The following ARMH4 variants were observed in gnomAD, a reference collection of about 807,000 sequenced individuals.
ARMH4 encodes the protein armadillo-like helical domain-containing protein 4.
A neutral mutation model predicts 61.9 loss-of-function variants in ARMH4; 49 were observed. The ratio of observed to expected loss-of-function variants is 0.79; its 90% confidence interval spans 0.63 to 1.00. The LOEUF (loss-of-function observed/expected upper bound fraction) is 1.00. Among genes scored for constraint, ARMH4 ranks in the 50% least tolerant of loss-of-function variants. The pLI, the probability that ARMH4 is intolerant of heterozygous loss-of-function variation, is 0.00. For synonymous variants in ARMH4, 368 were observed against 341.5 expected, an observed-to-expected ratio of 1.08 and a Z score of -0.85; for missense variants, 934 against 930.0, an observed-to-expected ratio of 1.00 and a Z score of -0.06.
intron 4 of ARMH4, among the ~76,000 whole-genome samples, chr14:58,103,066 G>A (rs926480069): frequency 3.3e-5 from 5 of 151,882 alleles, no homozygotes; most frequent in African/African-American, 1.2e-4. Flanking sequence ...CCGGGAGGTG[G>A]AGGTTGCAGT....
At chr14:58,124,989 A>G (rs1488762043) in intron 4 of ARMH4, among the ~76,000 whole-genome samples, 2 of 152,196 alleles carry the variant, frequency 1.3e-5, no homozygotes, top group Non-Finnish European at 2.9e-5. Flanking sequence ...AGAGAAAGGG[A>G]ATTCCTAACT....
At chr14:58,123,831 C>T (rs1308796984) in intron 4 of ARMH4, among the ~76,000 whole-genome samples, 1 of 152,206 alleles carries the variant, frequency 6.6e-6, no homozygotes, top group Non-Finnish European at 1.5e-5. Context: ...TCTTGTCCTT[C>T]GGTACATGGA....
rs567440930 is a variant in ARMH4, at chr14:58,129,680, A to G, written c.1831+1832T>C. Among the ~76,000 whole-genome samples the G allele has an allele frequency of 1.6e-4, 24 of 152,364 alleles. No individual in the cohort carries two copies. The South Asian group carries it at 2.3e-3, about 14-fold the overall frequency. ...TAGGTTGATTTGTTTAAATCAGTGT[A>G]GTCAATTCAGCTTTTGGAGGACTAG... On this transcript the variant is annotated intron_variant, in intron 4 of 7. Coordinates refer to ENST00000267485, the MANE Select transcript of ARMH4 (RefSeq NM_001001872.4).
Position 58,138,234 on chromosome 14 carries a change from GT to G in ARMH4, c.1124del (p.His375ProfsTer7), listed in dbSNP as rs1265573305. ...VALGLPEGET[H>X]TGTALLIAHG... ...GCGCTATTAGCAGGGCTGTGCCCGT[GT>G]GTGTTTCCCCTTCAGGCAGCCCCAG... On this transcript the variant is annotated frameshift_variant, in exon 2 of 8. Transcript: ENST00000267485. LOFTEE classifies it high-confidence loss of function. 3 of 1,614,098 alleles carry G rather than the reference GT, an allele frequency of 1.9e-6. No homozygotes were observed. Among genetic ancestry groups the G allele is most frequent in the Non-Finnish European group, 2.5e-6 (3 of 1,180,052 alleles).
At chr14:58,019,887 T>A (rs1882754496) in intron 5 of ARMH4, among the ~76,000 whole-genome samples, 1 of 152,170 alleles carries the variant, frequency 6.6e-6, no homozygotes, top group South Asian at 2.1e-4. Context: ...CTGAAAAGTA[T>A]CCCAAACTGT....
intron 4 of ARMH4, among the ~76,000 whole-genome samples, chr14:58,124,004 G>A (rs1360537043): frequency 1.3e-5 from 2 of 150,184 alleles, no homozygotes; most frequent in Non-Finnish European, 3.0e-5. Flanking sequence ...AAGGTACCAA[G>A]GCCCTTGGTG....
At chr14:58,013,553 T>C (rs1288441892) in intron 5 of ARMH4, among the ~76,000 whole-genome samples, 1 of 152,132 alleles carries the variant, frequency 6.6e-6, no homozygotes, top group Non-Finnish European at 1.5e-5. Flanking sequence ...AGTAATAATA[T>C]ATCTGAAAAT....
At chr14:58,128,398 A>C (rs1341624857) in intron 4 of ARMH4, among the ~76,000 whole-genome samples, 1 of 152,224 alleles carries the variant, frequency 6.6e-6, no homozygotes. Flanking sequence ...ATTTTGAATA[A>C]AAAGAACATG....
intron 5 of ARMH4, among the ~76,000 whole-genome samples, chr14:58,034,066 C>A (rs1437341817): frequency 1.6e-5 from 2 of 125,932 alleles, no homozygotes; most frequent in Non-Finnish European, 3.5e-5. Context: ...CACAAAGATA[C>A]TCCTCTAGAA....
intron 4 of ARMH4, among the ~76,000 whole-genome samples, chr14:58,117,884 G>T (rs1886583133): frequency 6.7e-6 from 1 of 150,366 alleles, no homozygotes; most frequent in African/African-American, 2.5e-5. Context: ...TCAGCCTCCT[G>T]AACAGCTGAG....
At chr14:58,019,122 G>T (rs542379138) in intron 5 of ARMH4, among the ~76,000 whole-genome samples, 41 of 152,226 alleles carry the variant, frequency 2.7e-4, no homozygotes, top group African/African-American at 9.1e-4. Context: ...AGGGGGTCAC[G>T]TTGGAGAGAT....
chr14:58,117,901 G>A (rs1886584381), intron 4 of ARMH4, among the ~76,000 whole-genome samples: 1 of 150,444 alleles, frequency 6.6e-6, no homozygotes, highest in African/African-American at 2.4e-5. Context: ...TGAGACTACA[G>A]GTACATGCCA....
At chr14:58,025,318 T>G (rs150738581) in intron 5 of ARMH4, among the ~76,000 whole-genome samples, 2 of 152,160 alleles carry the variant, frequency 1.3e-5, no homozygotes, top group African/African-American at 2.4e-5. Context: ...CACTCCCATA[T>G]AGCATTGTGT....
chr14:58,109,236 A>C (rs1886268107), intron 4 of ARMH4, among the ~76,000 whole-genome samples: 1 of 152,224 alleles, frequency 6.6e-6, no homozygotes, highest in Non-Finnish European at 1.5e-5. Context: ...TGAGGTCAGA[A>C]AAATATTCTA....
chr14:58,129,638 T>C (rs7153396), intron 4 of ARMH4, among the ~76,000 whole-genome samples: 64,865 of 152,010 alleles, frequency 0.43, 15,411 homozygotes, highest in Non-Finnish European at 0.55. Context: ...AGGCCTCCAA[T>C]ACATCCAGGA....
chr14:58,131,775 G>A (rs1417084465), intron 3 of ARMH4, 54 bp from the exon 4 acceptor site: 2 of 1,516,792 alleles, frequency 1.3e-6, no homozygotes, highest in East Asian at 2.3e-5. Context: ...TATGGCAAAT[G>A]TAAGCATGTG....
rs373795595 is a variant in ARMH4 at position 58,138,909 on chromosome 14, A to G, written c.450T>C (p.Thr150=). 14 of 1,614,086 alleles carry G rather than the reference A, an allele frequency of 8.7e-6. No homozygotes were observed. The African/African-American group carries it at 1.2e-4, about 14-fold the overall frequency. The change falls in exon 2 of 8, where the codon ACT becomes ACC. Residue 150 remains threonine (T), a synonymous_variant. Coordinates refer to ENST00000267485, the MANE Select transcript of ARMH4 (RefSeq NM_001001872.4). ...LAKAMLTIAI[T]ATPSLTVDEK... ...CATCAACAGTCAGAGAAGGAGTCGC[A>G]GTGATAGCAATGGTTAACATGGCCT...
chr14:58,095,909 G>C (rs1885732621), intron 5 of ARMH4, among the ~76,000 whole-genome samples: 1 of 152,200 alleles, frequency 6.6e-6, no homozygotes, highest in African/African-American at 2.4e-5. Context: ...TTTTAGAGAA[G>C]AGTTTCCTTG....
intron 4 of ARMH4, among the ~76,000 whole-genome samples, chr14:58,126,154 G>GA (rs890103438): frequency 2.0e-5 from 3 of 151,916 alleles, no homozygotes; most frequent in South Asian, 2.1e-4. Flanking sequence ...AAAAACAAAA[G>GA]AAAAAAATCT....
Sources: gnomAD v4.1 joint callset for allele counts (sites outside exome capture counted in the v4.1 genomes callset) on GRCh38, gnomAD v4.1.1 for gene constraint, MANE v1.5 for transcripts, NCBI Gene and HGNC (gene_info 2026-07-23, HGNC 2026-07-21) for gene names.